The following ACTR3B variants were observed in gnomAD, a reference collection of about 807,000 sequenced individuals.
ACTR3B encodes the protein actin-related protein 3B.
A neutral mutation model predicts 59.0 loss-of-function variants in ACTR3B; 8 were observed. That is an observed-to-expected ratio of 0.14 (90% CI 0.08 to 0.24). The LOEUF is 0.24. Among genes scored for constraint, ACTR3B ranks in the 10% least tolerant of loss-of-function variants. ACTR3B has a pLI of 1.00. For missense variants in ACTR3B, 245 were observed against 552.3 expected, an observed-to-expected ratio of 0.44 and a Z score of 5.58; for synonymous variants, 148 against 197.9, an observed-to-expected ratio of 0.75 and a Z score of 2.12.
At position 152,812,262 on chromosome 7, in the gene ACTR3B, C is replaced by G. The variant is rs1255448973; in HGVS notation, c.337-2288C>G. ...GTCAGGCTGGTCTCAAACTCCTGAC[C>G]TCAGGTGATCCGCCCGCCTCGGCCT... is the stretch of plus-strand genomic sequence containing the variant. On this transcript the variant is annotated intron_variant, in intron 4 of 11. Transcript: ENST00000256001. 5.2e-5 allele frequency: 5 copies of G among 96,310 alleles called. 2 individuals are homozygous for G. In the Admixed American group the frequency reaches 6.9e-4, roughly 13 times the overall value. The allele number at this position is 96,310 out of a possible 1,614,324, so 6.0% of individuals were successfully genotyped here.
chr7:152,760,115 C>T (rs1382367850), intron 1 of ACTR3B, among the ~76,000 whole-genome samples, 189 bp downstream of exon 1: 1 of 152,188 alleles, frequency 6.6e-6, no homozygotes, highest in Non-Finnish European at 1.5e-5. Flanking sequence ...CCCCTCTTCC[C>T]TGCCGGGAAG....
chr7:152,842,486 T>G (rs2116963679), intron 9 of ACTR3B, among the ~76,000 whole-genome samples: 1 of 152,342 alleles, frequency 6.6e-6, no homozygotes, highest in Non-Finnish European at 1.5e-5. Context: ...CTTTTCAGAC[T>G]GTGGCTGACC....
intron 4 of ACTR3B, among the ~76,000 whole-genome samples, chr7:152,810,318 G>C (rs544704153): frequency 2.9e-4 from 44 of 151,896 alleles, no homozygotes; most frequent in Admixed American, 5.2e-4. Flanking sequence ...TGTTGGCCAG[G>C]CTGGTCTTGA....
chr7:152,792,836 T>C (rs2098201595), intron 2 of ACTR3B, among the ~76,000 whole-genome samples: 1 of 152,122 alleles, frequency 6.6e-6, no homozygotes, highest in Non-Finnish European at 1.5e-5. Context: ...TTGAAGTAGG[T>C]GTGCTGTTGA....
intron 9 of ACTR3B, among the ~76,000 whole-genome samples, chr7:152,826,292 A>G (rs1353740202): frequency 1.3e-5 from 2 of 152,076 alleles, no homozygotes; most frequent in African/African-American, 4.8e-5. Flanking sequence ...TAGTTTGCGT[A>G]TTTTTTGAAT....
At chr7:152,847,018 C>T (rs530005993) in intron 9 of ACTR3B, among the ~76,000 whole-genome samples, 10 of 150,566 alleles carry the variant, frequency 6.6e-5, no homozygotes, top group Admixed American at 2.0e-4. Flanking sequence ...GCTCTAGTGC[C>T]CGGGCTGTAG....
chr7:152,774,709 A>G (rs1418071107), intron 1 of ACTR3B, among the ~76,000 whole-genome samples: 1 of 152,186 alleles, frequency 6.6e-6, no homozygotes, highest in East Asian at 1.9e-4. Context: ...AAATTTAAGG[A>G]CAGGCAAAGA....
chr7:152,763,989 T>G (rs1563067116), intron 1 of ACTR3B, among the ~76,000 whole-genome samples: 1 of 151,996 alleles, frequency 6.6e-6, no homozygotes, highest in East Asian at 1.9e-4. Flanking sequence ...TCAGGCTGAC[T>G]CCCATGTTCT....
At chr7:152,821,136 G>A (rs1272303713) in intron 7 of ACTR3B, among the ~76,000 whole-genome samples, 3 of 152,202 alleles carry the variant, frequency 2.0e-5, no homozygotes, top group African/African-American at 7.2e-5. Context: ...GGCTCTCAGC[G>A]CTGAAATGGT....
chr7:152,802,101 G>T (rs1022079898), intron 4 of ACTR3B, among the ~76,000 whole-genome samples: 53 of 151,862 alleles, frequency 3.5e-4, no homozygotes, highest in Non-Finnish European at 6.9e-4. Context: ...GATTTCCCTT[G>T]CACTTTTTAA....
chr7:152,820,472 G>T (rs1796056930), intron 7 of ACTR3B, 30 bp downstream of exon 7: 3 of 1,596,362 alleles, frequency 1.9e-6, no homozygotes, highest in Non-Finnish European at 1.7e-6. Flanking sequence ...CGGCCGGTTT[G>T]GGGGTGAGAG....
chr7:152,777,751 G>C (rs2098139751), intron 1 of ACTR3B, among the ~76,000 whole-genome samples: 2 of 152,120 alleles, frequency 1.3e-5, no homozygotes, highest in Non-Finnish European at 2.9e-5. Context: ...AGGAGTTTGA[G>C]ACCAGCCTGG....
intron 2 of ACTR3B, among the ~76,000 whole-genome samples, chr7:152,795,751 C>G (rs1308011007): frequency 6.6e-6 from 1 of 152,010 alleles, no homozygotes; most frequent in Non-Finnish European, 1.5e-5. Context: ...GTCTGGCCAT[C>G]TTATTTTTCT....
rs1207191732 is a variant in ACTR3B, at chr7:152,778,962, AAAAAAAAAAAAAAAAAAAAAAAAG to A, written c.45-4224_45-4201del. On this transcript the variant is annotated intron_variant, in intron 1 of 11. Coordinates refer to ENST00000256001, the MANE Select transcript of ACTR3B (RefSeq NM_020445.6). ...TGTCTCCAAAAAAAAAAAAAAAAAA[AAAAAAAAAAAAAAAAAAAAAAAAG>A]GACATATGAGTTATTTCTTCTGAAC... Among the ~76,000 whole-genome samples, 3 of 115,082 alleles carry A rather than the reference AAAAAAAAAAAAAAAAAAAAAAAAG, an allele frequency of 2.6e-5. No individual in the cohort carries two copies. In the East Asian group the frequency reaches 6.7e-4, roughly 26 times the overall value. 75.5% of individuals were successfully genotyped at this position (115,082 alleles called of 152,430 possible). A position where few individuals can be genotyped will look rare whatever the true frequency, so the allele number is the denominator to read the frequency against.
At chr7:152,823,231 G>T in intron 7 of ACTR3B, 111 bp from the exon 8 acceptor site, 1 of 1,459,030 alleles carries the variant, frequency 6.9e-7, no homozygotes, top group African/African-American at 1.4e-5. Context: ...TACGGTGGGG[G>T]CGGTTCTGAT....
chr7:152,833,985 G>GGGA (rs1163555801), intron 9 of ACTR3B, among the ~76,000 whole-genome samples: 1 of 152,066 alleles, frequency 6.6e-6, no homozygotes, highest in African/African-American at 2.4e-5. Flanking sequence ...CGGGGTTGAA[G>GGGA]GGAGGAGGGT....
chr7:152,811,129 A>G (rs1032532039), intron 4 of ACTR3B: 1 of 147,084 alleles, frequency 6.8e-6, no homozygotes. Context: ...TTTCCAAGCT[A>G]CTTTGTTTTA....
chr7:152,788,884 G>A (rs2098183889), intron 2 of ACTR3B, among the ~76,000 whole-genome samples: 2 of 152,326 alleles, frequency 1.3e-5, no homozygotes, highest in East Asian at 1.9e-4. Context: ...TTAGCCGGAT[G>A]TGGTGGCTCA....
intron 7 of ACTR3B, among the ~76,000 whole-genome samples, chr7:152,821,602 C>G (rs1001462248): frequency 6.6e-6 from 1 of 152,208 alleles, no homozygotes; most frequent in African/African-American, 2.4e-5. Flanking sequence ...GACCCTCATG[C>G]TGGGCCTTCA....
Sources: gnomAD v4.1 joint callset for allele counts (sites outside exome capture counted in the v4.1 genomes callset) on GRCh38, gnomAD v4.1.1 for gene constraint, MANE v1.5 for transcripts, NCBI Gene and HGNC (gene_info 2026-07-23, HGNC 2026-07-21) for gene names.